Variants in C10orf90 observed in about 807,000 individuals in gnomAD.
C10orf90 encodes (E2-independent) E3 ubiquitin-conjugating enzyme FATS.
A neutral mutation model predicts 62.5 loss-of-function variants in C10orf90; 56 were observed. The observed-to-expected ratio is 0.90, with a 90% CI of 0.72 to 1.12. The LOEUF (loss-of-function observed/expected upper bound fraction) is 1.12. Among genes scored for constraint, C10orf90 ranks in the 50% most tolerant of loss-of-function variants. The pLI, the probability that C10orf90 is intolerant of heterozygous loss-of-function variation, is 0.00. For synonymous variants in C10orf90, 386 were observed against 340.4 expected (o/e 1.13, Z -1.47); for missense variants, 970 against 880.4 (o/e 1.10, Z -1.29).
At chr10:126,539,264 G>A (rs535562766) in intron 2 of C10orf90, among the ~76,000 whole-genome samples, 4 of 152,328 alleles carry the variant, frequency 2.6e-5, no homozygotes, top group African/African-American at 7.2e-5. Flanking sequence ...TGGAATCCAT[G>A]CTAGGGTTCT....
intron 4 of C10orf90, among the ~76,000 whole-genome samples, chr10:126,491,183 C>T (rs892833641): frequency 1.3e-5 from 2 of 152,130 alleles, no homozygotes; most frequent in Non-Finnish European, 2.9e-5. Context: ...CATGCAATGA[C>T]ATGGAAGAAT....
At position 126,612,712 on chromosome 10, in the gene C10orf90, T is replaced by C. The variant is rs1845463962; in HGVS notation, c.313+33853A>G. ...AAGCTATGATTTCCACTCCTCGGGG[T>C]TCAACTACCCAAACCTGGATGTCTC... On this transcript the variant is annotated intron_variant, in intron 2 of 9. Coordinates refer to ENST00000488181, the MANE Select transcript of C10orf90 (RefSeq NM_001350921.2). 2.6e-5 allele frequency among the ~76,000 whole-genome samples: 4 copies of C among 152,202 alleles called. No individual in the cohort carries two copies. The South Asian group carries it at 8.3e-4, about 32-fold the overall frequency.
chr10:126,477,349 G>C lies in C10orf90; in HGVS notation c.1535-12363C>G, dbSNP rs377387992. ...AAGATAGTTGATTTCTTTTCATTGG[G>C]CTTTTAAACCTCAGAACACCCCAGT... On this transcript the variant is annotated intron_variant, in intron 4 of 9. Coordinates refer to ENST00000488181, the MANE Select transcript of C10orf90 (RefSeq NM_001350921.2). 5.3e-5 allele frequency among the ~76,000 whole-genome samples: 8 copies of C among 151,246 alleles called. No individual in the cohort carries two copies. The South Asian group carries it at 1.7e-3, about 32-fold the overall frequency.
intron 2 of C10orf90, among the ~76,000 whole-genome samples, chr10:126,585,235 G>T (rs1179763181): frequency 6.7e-6 from 1 of 149,990 alleles, no homozygotes; most frequent in African/African-American, 2.5e-5. Flanking sequence ...AAGGAAGTTA[G>T]GAAAGAAGGA....
At position 126,461,527 on chromosome 10, in the gene C10orf90, G is replaced by T. The variant is rs12412320; in HGVS notation, c.1884C>A (p.Asp628Glu). 0.027 allele frequency: 43,490 copies of T among 1,613,766 alleles called. 3,346 individuals are homozygous for T. The highest frequency in any genetic ancestry group is 0.23 in the East Asian group (10,358 of 44,830). The change falls in exon 6 of 10, where the codon GAC (aspartate) becomes GAA (glutamate). Residue 628 changes from aspartate to glutamate, a missense_variant. Physicochemically the swap from Asp to Glu is conservative, Grantham distance 45 (BLOSUM62 2). Coordinates refer to ENST00000488181, the MANE Select transcript of C10orf90 (RefSeq NM_001350921.2). ...VKIKECKKSEDPTTPEPSPAA... is the reference protein window; with the variant it reads ...VKIKECKKSEEPTTPEPSPAA... Reference sequence around the variant, plus strand: ...CTGGGGAGGGCTCAGGTGTGGTGGGGTCCTCACTCTTCTTACATTCCTTTA... The same window carrying T: ...CTGGGGAGGGCTCAGGTGTGGTGGGTTCCTCACTCTTCTTACATTCCTTTA...
At chr10:126,527,733 G>T (rs1264024043) in intron 2 of C10orf90, among the ~76,000 whole-genome samples, 1 of 152,188 alleles carries the variant, frequency 6.6e-6, no homozygotes, top group South Asian at 2.1e-4. Flanking sequence ...TATTATGAGA[G>T]CTAAGAAAGA....
Position 126,504,197 on chromosome 10 carries a change from A to G in C10orf90, c.1294T>C (p.Trp432Arg), listed in dbSNP as rs777247857. ...EGDQDLVGQR[W>R]NPGLQESHLK... ...TGACTTTCTTGTAAACCTGGGTTCC[A>G]GCGCTGGCCTACGAGGTCCTGGTCT... The change falls in exon 4 of 10, where the codon TGG (tryptophan) becomes CGG (arginine). Residue 432 changes from tryptophan to arginine, a missense_variant. Coordinates refer to ENST00000488181, the MANE Select transcript of C10orf90 (RefSeq NM_001350921.2). This position sits in a 1 kb window ranked among gnomAD's most constrained non-coding sequence, Gnocchi z 4.1. 2 of 1,614,142 alleles carry G rather than the reference A, an allele frequency of 1.2e-6. No homozygotes were observed. Among genetic ancestry groups the G allele is most frequent in the Non-Finnish European group, 1.7e-6 (2 of 1,180,034 alleles).
In C10orf90 at chr10:126,425,727, T is replaced by C; in HGVS notation, c.*137A>G. The C allele has an allele frequency of 1.1e-6, 1 of 884,248 alleles. No individual in the cohort carries two copies. The highest frequency in any genetic ancestry group is 1.8e-5 in the South Asian group (1 of 54,946). The allele number at this position is 884,248 out of a possible 1,614,324, so 54.8% of individuals were successfully genotyped here. ...TGGGTCAGTAATTCAGGAAGTGATGTTTTCCTTTATGGAAAAAAAAAATCG... is the reference window on the plus strand; with the variant it reads ...TGGGTCAGTAATTCAGGAAGTGATGCTTTCCTTTATGGAAAAAAAAAATCG... On this transcript the variant is annotated 3_prime_UTR_variant, in exon 10 of 10. Transcript: ENST00000488181.
At chr10:126,653,622 G>A (rs1846334419) in intron 1 of C10orf90, among the ~76,000 whole-genome samples, 1 of 152,084 alleles carries the variant, frequency 6.6e-6, no homozygotes, top group African/African-American at 2.4e-5. Context: ...TCATCCATGA[G>A]GGTTGGAATC....
chr10:126,610,465 G>A (rs1342072922), intron 2 of C10orf90, among the ~76,000 whole-genome samples: 1 of 152,150 alleles, frequency 6.6e-6, no homozygotes, highest in Non-Finnish European at 1.5e-5. Flanking sequence ...CTACCTAATT[G>A]GAGTGTGTTC....
At chr10:126,487,059 C>T (rs1280745042) in intron 4 of C10orf90, among the ~76,000 whole-genome samples, 1 of 141,332 alleles carries the variant, frequency 7.1e-6, no homozygotes, top group African/African-American at 2.6e-5. Flanking sequence ...GCAGGAGGAT[C>T]ACTTGAACCT....
intron 1 of C10orf90, among the ~76,000 whole-genome samples, chr10:126,650,893 G>A (rs59645750): frequency 0.086 from 13,042 of 152,038 alleles, 1,145 homozygotes; most frequent in African/African-American, 0.23. Flanking sequence ...CCACCCCCCA[G>A]CCACCTGCCA....
chr10:126,559,988 C>T (rs754089324), intron 2 of C10orf90, among the ~76,000 whole-genome samples: 7 of 152,152 alleles, frequency 4.6e-5, no homozygotes, highest in East Asian at 3.9e-4. Context: ...CATATTTGGC[C>T]GTTTCAAGTT....
intron 4 of C10orf90, among the ~76,000 whole-genome samples, chr10:126,475,051 C>T (rs1860784262): frequency 6.6e-6 from 1 of 152,218 alleles, no homozygotes; most frequent in African/African-American, 2.4e-5. Flanking sequence ...TCAATTCTGA[C>T]TCCAGCACTG....
At chr10:126,657,610 T>C in intron 1 of C10orf90, among the ~76,000 whole-genome samples, 1 of 147,414 alleles carries the variant, frequency 6.8e-6, no homozygotes, top group African/African-American at 2.6e-5. Flanking sequence ...TACTTTGTCT[T>C]TTTTTTTTTC....
At chr10:126,606,361 G>A (rs984749969) in intron 2 of C10orf90, among the ~76,000 whole-genome samples, 13 of 152,130 alleles carry the variant, frequency 8.5e-5, no homozygotes, top group African/African-American at 2.7e-4. Flanking sequence ...TGACACCATC[G>A]GCTGTTGGTC....
At chr10:126,484,013 G>A (rs1370226784) in intron 4 of C10orf90, among the ~76,000 whole-genome samples, 6 of 152,086 alleles carry the variant, frequency 3.9e-5, no homozygotes, top group African/African-American at 9.7e-5. Flanking sequence ...TATTCCATAA[G>A]CCTGACATTG....
intron 2 of C10orf90, among the ~76,000 whole-genome samples, chr10:126,643,122 T>C (rs202166999): frequency 6.6e-6 from 1 of 152,224 alleles, no homozygotes; most frequent in Non-Finnish European, 1.5e-5. Context: ...AACTTCAAAA[T>C]ACTTCATTGT....
chr10:126,548,667 A>G (rs1864560842), intron 2 of C10orf90, among the ~76,000 whole-genome samples: 1 of 152,048 alleles, frequency 6.6e-6, no homozygotes, highest in Non-Finnish European at 1.5e-5. Flanking sequence ...GCCCGGCCGC[A>G]AGATCCCATC....
Sources: allele counts gnomAD v4.1 joint callset (sites outside exome capture counted in the v4.1 genomes callset), GRCh38; gene constraint gnomAD v4.1.1; non-coding constraint Gnocchi (gnomAD v3.1); transcripts MANE v1.5; gene names NCBI Gene and HGNC (gene_info 2026-07-23, HGNC 2026-07-21).